WDR47: variants seen among roughly 807,000 people sequenced by gnomAD.
WDR47 encodes the protein WD repeat-containing protein 47.
Under a neutral mutation model 97.2 loss-of-function variants are expected in WDR47, and 32 were observed. The observed-to-expected ratio is 0.33, with a 90% CI of 0.25 to 0.44. The LOEUF is 0.44. WDR47 is among the 20% of genes least tolerant of loss of function. WDR47 has a pLI of 1.00. For synonymous variants in WDR47, 375 were observed against 373.5 expected (o/e 1.00, Z -0.05); for missense variants, 782 against 1,102.3 (o/e 0.71, Z 4.11).
chr1:109,011,784 CAA>C (rs1454960873), intron 4 of WDR47, 66 bp from the exon 5 acceptor site: 1 of 1,413,892 alleles, frequency 7.1e-7, no homozygotes, highest in Non-Finnish European at 9.5e-7. Flanking sequence ...ATGAAAACGA[CAA>C]GAGTACAAAG....
intron 9 of WDR47, among the ~76,000 whole-genome samples, chr1:108,989,682 C>T (rs1659166739): frequency 6.6e-6 from 1 of 152,144 alleles, no homozygotes; most frequent in Non-Finnish European, 1.5e-5. Context: ...ATTTTATTTG[C>T]TGTCCTCCAG....
intron 1 of WDR47, among the ~76,000 whole-genome samples, chr1:109,036,960 C>A (rs1662997300): frequency 6.6e-6 from 1 of 152,282 alleles, no homozygotes; most frequent in Admixed American, 6.5e-5. Context: ...CCTAAAATTT[C>A]TTTATATCAT....
chr1:109,027,346 A>G (rs1399160995), intron 1 of WDR47, among the ~76,000 whole-genome samples: 12 of 152,068 alleles, frequency 7.9e-5, no homozygotes, highest in Admixed American at 2.6e-4. Context: ...GTGAGCCACC[A>G]AGCCTGGCCC....
At chr1:109,018,543 A>G (rs1308657474) in intron 2 of WDR47, among the ~76,000 whole-genome samples, 1 of 152,096 alleles carries the variant, frequency 6.6e-6, no homozygotes. Context: ...GGCTGGGCGC[A>G]GTGGCTCATG....
At chr1:108,971,673 TA>T (rs1369242511) in intron 14 of WDR47, 101 bp from the exon 15 acceptor site, 1 of 1,247,732 alleles carries the variant, frequency 8.0e-7, no homozygotes, top group South Asian at 1.5e-5. Context: ...TAAAAAATCT[TA>T]AACTACATTA....
chr1:108,999,229 A>C (rs956343497), intron 7 of WDR47, among the ~76,000 whole-genome samples: 76 of 115,856 alleles, frequency 6.6e-4, no homozygotes, highest in East Asian at 4.6e-3. Flanking sequence ...CTCTGTCCCC[A>C]AAAAAAAAAA....
In WDR47 at chr1:109,041,869, C is replaced by G. The variant is rs548128874; in HGVS notation, c.-17G>C. On this transcript the variant is annotated 5_prime_UTR_variant, in exon 1 of 15. Transcript: ENST00000369962. ...ACTCCCGGAGTCACCCACCTGAGGGCTCCAGGGCAAGCCCGGAGGAGCGGC... is the reference window on the plus strand; with the variant it reads ...ACTCCCGGAGTCACCCACCTGAGGGGTCCAGGGCAAGCCCGGAGGAGCGGC... The G allele has an allele frequency of 7.9e-5, 12 of 152,520 alleles. No homozygotes were observed. Among genetic ancestry groups the G allele is most frequent in the African/African-American group, 2.4e-4 (10 of 41,594 alleles). 9.4% of individuals were successfully genotyped at this position (152,520 alleles called of 1,614,324 possible).
chr1:108,990,198 TTAA>T (rs2101852346), intron 9 of WDR47, among the ~76,000 whole-genome samples: 1 of 152,168 alleles, frequency 6.6e-6, no homozygotes, highest in South Asian at 2.1e-4. Flanking sequence ...CATGTCTCTA[TTAA>T]TATATATACA....
chr1:109,003,623 T>G lies in WDR47; in HGVS notation c.1254+969A>C, dbSNP rs759557355. 6.6e-5 allele frequency among the ~76,000 whole-genome samples: 10 copies of G among 152,216 alleles called. No homozygotes were observed. The Middle Eastern group carries it at 0.01, about 155-fold the overall frequency. On this transcript the variant is annotated intron_variant, in intron 6 of 14. Coordinates refer to ENST00000369962, the MANE Select transcript of WDR47 (RefSeq NM_001142551.2). ...TCCAAGCGATTCTCCTGCCTCAGCCTCCCAAGTAGCTGGGACTACAGGTAG... is the reference window on the plus strand; with the variant it reads ...TCCAAGCGATTCTCCTGCCTCAGCCGCCCAAGTAGCTGGGACTACAGGTAG...
chr1:109,009,998 C>CA (rs113769846), intron 5 of WDR47, among the ~76,000 whole-genome samples: 20 of 143,766 alleles, frequency 1.4e-4, no homozygotes, highest in South Asian at 2.2e-4. Context: ...AACTCCATCT[C>CA]AAAAAAAAAC....
At chr1:109,020,981 G>A (rs1661797015) in intron 2 of WDR47, among the ~76,000 whole-genome samples, 1 of 151,604 alleles carries the variant, frequency 6.6e-6, no homozygotes, top group Admixed American at 6.6e-5. Flanking sequence ...CTGCCTCCTG[G>A]GAGGAACACT....
At chr1:109,021,198 C>T (rs1227818475) in intron 2 of WDR47, among the ~76,000 whole-genome samples, 1 of 152,128 alleles carries the variant, frequency 6.6e-6, no homozygotes, top group Non-Finnish European at 1.5e-5. Flanking sequence ...AATTCCACCT[C>T]TAAGAATCTT....
intron 14 of WDR47, among the ~76,000 whole-genome samples, chr1:108,974,116 C>T (rs1330208248): frequency 6.6e-6 from 1 of 151,726 alleles, no homozygotes; most frequent in African/African-American, 2.4e-5. Context: ...ATCACTTGAG[C>T]AGGGGAGATA....
chr1:108,971,634 A>C, intron 14 of WDR47, 62 bp from the exon 15 acceptor site: 1 of 1,562,710 alleles, frequency 6.4e-7, no homozygotes, highest in Admixed American at 1.8e-5. Flanking sequence ...GATTGTATAG[A>C]CTTCCTGTTA....
At chr1:109,041,647 TCCTCACCCCGCGATGCTGGGGCCTCAC>T (rs1663372426) in intron 1 of WDR47, 188 bp downstream of exon 1, 1 of 152,130 alleles carries the variant, frequency 6.6e-6, no homozygotes, top group Non-Finnish European at 1.5e-5. Context: ...AGTTCGCAGA[TCCTCACCCCGCGATGCTGGGGCCTCAC>T]CCACGACCCC....
At chr1:109,040,925 G>A (rs1310894840) in intron 1 of WDR47, among the ~76,000 whole-genome samples, 1 of 151,740 alleles carries the variant, frequency 6.6e-6, no homozygotes, top group Non-Finnish European at 1.5e-5. Context: ...CCAACAAAGA[G>A]AGAAATAAGT....
rs201032916 is a variant in WDR47, at chr1:108,991,375, T to C, written c.1692-46A>G. ...GTAAAGTTTACTCCATGTATCAAAA[T>C]AGAAACTAAATTAATTTACCCTTTC... is the stretch of plus-strand genomic sequence containing the variant. On this transcript the variant is annotated intron_variant, in intron 8 of 14. Transcript: ENST00000369962. 4.6e-6 allele frequency: 7 copies of C among 1,532,462 alleles called. No individual in the cohort carries two copies. In the Admixed American group the frequency reaches 5.5e-5, roughly 12 times the overall value. 94.9% of individuals were successfully genotyped at this position (1,532,462 alleles called of 1,614,324 possible).
At chr1:109,025,267 G>A (rs1449082753) in intron 1 of WDR47, among the ~76,000 whole-genome samples, 1 of 151,240 alleles carries the variant, frequency 6.6e-6, no homozygotes, top group Non-Finnish European at 1.5e-5. Flanking sequence ...GCGAAACATG[G>A]TCTCTACCAA....
At chr1:108,991,177 T>A in intron 9 of WDR47, 77 bp downstream of exon 9, 3 of 1,415,404 alleles carry the variant, frequency 2.1e-6, no homozygotes, top group Non-Finnish European at 3.0e-6. Flanking sequence ...AATGGTTCTT[T>A]CTTTGAATTG....
Sources: allele counts gnomAD v4.1 joint callset (sites outside exome capture counted in the v4.1 genomes callset), GRCh38; gene constraint gnomAD v4.1.1; transcripts MANE v1.5; gene names NCBI Gene and HGNC (gene_info 2026-07-23, HGNC 2026-07-21).